AP1G1: variants seen among roughly 807,000 people sequenced by gnomAD.
The protein encoded by AP1G1 is adaptor related protein complex 1 subunit gamma 1, also known as AP-1 complex subunit gamma-1.
Under a neutral mutation model 108.3 loss-of-function variants are expected in AP1G1, and 7 were observed. The observed-to-expected ratio is 0.06, with a 90% CI of 0.04 to 0.12. The LOEUF is 0.12. Among genes scored for constraint, AP1G1 ranks in the 10% least tolerant of loss-of-function variants. AP1G1 has a pLI of 1.00. For synonymous variants in AP1G1, 379 were observed against 353.5 expected, an observed-to-expected ratio of 1.07 and a Z score of -0.81; for missense variants, 756 against 1,010.7, an observed-to-expected ratio of 0.75 and a Z score of 3.42.
At chr16:71,789,623 G>A (rs1297485645) in intron 1 of AP1G1, 141 bp from the exon 2 acceptor site, 17 of 788,584 alleles carry the variant, frequency 2.2e-5, no homozygotes, top group South Asian at 5.4e-5. Context: ...TAAACAAAGC[G>A]TGCTAAGCTT....
intron 2 of AP1G1, among the ~76,000 whole-genome samples, chr16:71,782,614 G>A (rs1295225829): frequency 6.6e-6 from 1 of 151,906 alleles, no homozygotes; most frequent in South Asian, 2.1e-4. Context: ...AGTCTCCTGA[G>A]TAGCTGGGAT....
At chr16:71,739,148 C>T (rs779056905) in intron 20 of AP1G1, 46 bp from the exon 21 acceptor site, 84 of 1,611,444 alleles carry the variant, frequency 5.2e-5, no homozygotes, top group Non-Finnish European at 5.9e-5. Flanking sequence ...CAGCCTAATG[C>T]TTGCAGAATT....
intron 2 of AP1G1, among the ~76,000 whole-genome samples, chr16:71,777,408 C>A (rs1017507372): frequency 6.6e-6 from 1 of 151,782 alleles, no homozygotes; most frequent in Non-Finnish European, 1.5e-5. Context: ...GGAGGTGGAA[C>A]AATGGTAGAG....
At chr16:71,808,124 A>T (rs1567668994) in intron 1 of AP1G1, 2 of 1,155,628 alleles carry the variant, frequency 1.7e-6, no homozygotes, top group Non-Finnish European at 2.2e-6. Flanking sequence ...GAGAATTATT[A>T]GACGCTGACG....
At chr16:71,800,012 G>C (rs1173354220) in intron 1 of AP1G1, among the ~76,000 whole-genome samples, 1 of 151,132 alleles carries the variant, frequency 6.6e-6, no homozygotes. Flanking sequence ...CTCAAGCCCA[G>C]GAGTTCGAGA....
At position 71,746,550 on chromosome 16, in the gene AP1G1, C is replaced by A. The variant is rs746878389; in HGVS notation, c.1730+38G>T. The A allele has an allele frequency of 8.6e-6, 11 of 1,281,890 alleles. No individual in the cohort carries two copies. In the South Asian group the frequency reaches 1.3e-4, roughly 15 times the overall value. 79.4% of individuals were successfully genotyped at this position (1,281,890 alleles called of 1,614,324 possible). On this transcript the variant is annotated intron_variant, in intron 17 of 22. Transcript: ENST00000299980. ...TTACCATGACAATTTAGTCAGGATG[C>A]TAAGAGATACACGCATTGCTTAGTT...
intron 1 of AP1G1, chr16:71,808,105 G>C (rs774031325): frequency 1.3e-4 from 154 of 1,153,948 alleles, no homozygotes; most frequent in Non-Finnish European, 1.5e-4. Flanking sequence ...AGGCAATCAG[G>C]AAGACCGGGA....
chr16:71,771,399 A>C (rs951794549), intron 4 of AP1G1, 147 bp from the exon 5 acceptor site: 5 of 554,752 alleles, frequency 9.0e-6, no homozygotes, highest in Non-Finnish European at 1.6e-5. Context: ...TATTAGATTT[A>C]TGGCTCGACA....
At chr16:71,738,197 C>A (rs1051692293) in intron 21 of AP1G1, among the ~76,000 whole-genome samples, 2 of 151,816 alleles carry the variant, frequency 1.3e-5, no homozygotes, top group Non-Finnish European at 2.9e-5. Context: ...ATTAGAGGAA[C>A]CTGCCATCAC....
chr16:71,786,001 C>G (rs901917248), intron 2 of AP1G1, among the ~76,000 whole-genome samples: 1 of 152,046 alleles, frequency 6.6e-6, no homozygotes, highest in East Asian at 1.9e-4. Flanking sequence ...GTAATTCCAA[C>G]GGATGGGGTA....
chr16:71,741,228 C>T (rs937624294), intron 19 of AP1G1, among the ~76,000 whole-genome samples: 3 of 152,006 alleles, frequency 2.0e-5, no homozygotes, highest in Middle Eastern at 3.2e-3. Context: ...AGAATATCAT[C>T]TTTTTTTAAG....
intron 12 of AP1G1, among the ~76,000 whole-genome samples, chr16:71,755,765 C>A (rs918134006): frequency 6.6e-6 from 1 of 152,012 alleles, no homozygotes; most frequent in Admixed American, 6.6e-5. Context: ...CCTGCCTCAG[C>A]CTGCCGAGTA....
intron 4 of AP1G1, 55 bp from the exon 5 acceptor site, chr16:71,771,307 C>T: frequency 9.6e-7 from 1 of 1,044,568 alleles, no homozygotes; most frequent in Non-Finnish European, 1.3e-6. Flanking sequence ...GCCAGGGCAA[C>T]CAATCTTATT....
At chr16:71,752,115 C>A (rs942904195) in intron 13 of AP1G1, among the ~76,000 whole-genome samples, 1 of 152,042 alleles carries the variant, frequency 6.6e-6, no homozygotes, top group Non-Finnish European at 1.5e-5. Flanking sequence ...CAGCATGTAA[C>A]AGGCTAAAGA....
In AP1G1 at chr16:71,745,530, T is replaced by A. The variant is rs767937108; in HGVS notation, c.1815A>T (p.Thr605=). 1.9e-6 allele frequency: 3 copies of A among 1,614,114 alleles called. No individual in the cohort carries two copies. The African/African-American group carries it at 4.0e-5, about 22-fold the overall frequency. The part of the protein sequence containing the change: ...PTEIVQTNGE[T]EPAPLETKPP... ...GTTTGGTCTCTAGTGGAGCTGGTTCTGTCTCTCCATTTGTCTGCACAATCT... is the reference window on the plus strand; with the variant it reads ...GTTTGGTCTCTAGTGGAGCTGGTTCAGTCTCTCCATTTGTCTGCACAATCT... The change falls in exon 18 of 23, where the codon ACA becomes ACT. Residue 605 remains threonine, a synonymous_variant. Transcript: ENST00000299980.
At chr16:71,806,651 G>C (rs1447428161) in intron 1 of AP1G1, 1 of 1,251,130 alleles carries the variant, frequency 8.0e-7, no homozygotes, top group East Asian at 5.6e-5. Context: ...GTCAGAAATG[G>C]AACATTTCAG....
intron 1 of AP1G1, among the ~76,000 whole-genome samples, chr16:71,802,445 T>G (rs773674093): frequency 1.6e-4 from 25 of 151,998 alleles, no homozygotes; most frequent in Non-Finnish European, 3.2e-4. Context: ...TTAAAAAATT[T>G]TGGGCCAGGC....
chr16:71,747,899 CT>C (rs1178869053), intron 16 of AP1G1, among the ~76,000 whole-genome samples: 1 of 152,172 alleles, frequency 6.6e-6, no homozygotes, highest in African/African-American at 2.4e-5. Context: ...AGGAAGATCC[CT>C]TAAGCCCAGG....
intron 1 of AP1G1, among the ~76,000 whole-genome samples, chr16:71,801,419 G>T (rs552470797): frequency 6.6e-6 from 1 of 151,440 alleles, no homozygotes; most frequent in Non-Finnish European, 1.5e-5. Flanking sequence ...GTACACTTAC[G>T]TGAGTATGTA....
Sources: allele counts gnomAD v4.1 joint callset (sites outside exome capture counted in the v4.1 genomes callset), GRCh38; gene constraint gnomAD v4.1.1; transcripts MANE v1.5; gene names NCBI Gene and HGNC (gene_info 2026-07-23, HGNC 2026-07-21).